Variants in CEP95 observed in about 807,000 individuals in gnomAD.
CEP95 encodes centrosomal protein 95.
CEP95 carries 98 observed loss-of-function variants against 111.2 expected under a neutral mutation model. The observed-to-expected ratio is 0.88, with a 90% CI of 0.75 to 1.04. CEP95 has a LOEUF of 1.04. Among genes scored for constraint, CEP95 ranks in the 50% least tolerant of loss-of-function variants. CEP95 has a pLI of 0.00. For synonymous variants in CEP95, 323 were observed against 327.1 expected (o/e 0.99, Z 0.14); for missense variants, 1,027 against 977.2 (o/e 1.05, Z -0.68).
intron 11 of CEP95, among the ~76,000 whole-genome samples, chr17:64,528,550 G>C (rs1555679617): frequency 6.6e-6 from 1 of 152,156 alleles, no homozygotes; most frequent in Non-Finnish European, 1.5e-5. Flanking sequence ...GATTATGCAA[G>C]TCAGTTTTTA....
intron 11 of CEP95, 75 bp downstream of exon 11, chr17:64,527,339 CTT>C (rs1967898025): frequency 2.7e-6 from 3 of 1,106,612 alleles, no homozygotes; most frequent in Non-Finnish European, 3.6e-6. Context: ...TTCTTAATAA[CTT>C]ATATTCTAAT....
At chr17:64,522,478 CT>C (rs1418661544) in intron 7 of CEP95, among the ~76,000 whole-genome samples, 4 of 151,224 alleles carry the variant, frequency 2.6e-5, no homozygotes, top group African/African-American at 9.7e-5. Context: ...CTCATCTCTA[CT>C]TTTTTTAAAA....
rs1598205039 is a variant in CEP95, at chr17:64,519,359, A to T, written c.512A>T (p.Asp171Val). 1.9e-6 allele frequency: 3 copies of T among 1,613,738 alleles called. No homozygotes were observed. The highest frequency in any genetic ancestry group is 4.5e-5 in the East Asian group (2 of 44,880). ...TCTGAGATGTTGGGCCCCTCTTGGG[A>T]TGGAGATGAAGCAGAATCCACTGGT... ...LSSEMLGPSW[D>V]GDEAESTGEI... The change falls in exon 6 of 20, where the codon GAT (aspartate) becomes GTT (valine). Residue 171 changes from aspartate (D) to valine (V), a missense_variant. Asp to Val is a radical substitution (Grantham distance 152). Coordinates refer to ENST00000556440, the MANE Select transcript of CEP95 (RefSeq NM_138363.3).
rs1352411636 is a variant in CEP95, at chr17:64,510,248, A to G, written c.224A>G (p.Asp75Gly). The G allele has an allele frequency of 1.2e-6, 2 of 1,610,622 alleles. No homozygotes were observed. The highest frequency in any genetic ancestry group is 1.7e-6 in the Non-Finnish European group (2 of 1,177,814). ...VQAVIDSLAL[D>G]YLQVSLSHIT... ...GCAGTAATTGATTCACTGGCCTTGG[A>G]CTACTTGCAGGTCAGCTTGTCTCAC... is the stretch of plus-strand genomic sequence containing the variant. Residue 75 changes from aspartate (D) to glycine (G), a missense_variant, in exon 3 of 20, where the codon GAC becomes GGC. Physicochemically the swap from Asp to Gly is moderately conservative, Grantham distance 94. Transcript: ENST00000556440.
chr17:64,509,676 C>T (rs551996341), intron 2 of CEP95, among the ~76,000 whole-genome samples: 20 of 152,200 alleles, frequency 1.3e-4, no homozygotes, highest in African/African-American at 4.8e-4. Context: ...TAGAGCGAGA[C>T]CCTGTCTCAA....
At position 64,522,780 on chromosome 17, in the gene CEP95, C is replaced by CAT; in HGVS notation, c.795_796insTA (p.Pro266TyrfsTer14). 1 of 1,613,784 alleles carries CAT rather than the reference C, an allele frequency of 6.2e-7. No individual in the cohort carries two copies. The highest frequency in any genetic ancestry group is 1.7e-5 in the Admixed American group (1 of 60,004). ...ATCCGAGCAGCTATTCCTTTACATC[C>CAT]ACCCTACCACCCTTCAGAGCCTCGA... On this transcript the variant is annotated frameshift_variant, in exon 8 of 20. Transcript: ENST00000556440. LOFTEE classifies it high-confidence loss of function.
At position 64,507,091 on chromosome 17, in the gene CEP95, C is replaced by T. The variant is rs1555673162; in HGVS notation, c.-7C>T. 5 of 1,551,334 alleles carry T rather than the reference C, an allele frequency of 3.2e-6. No homozygotes were observed. The highest frequency in any genetic ancestry group is 1.4e-5 in the African/African-American group (1 of 73,064). On this transcript the variant is annotated 5_prime_UTR_variant, in exon 1 of 20. Transcript: ENST00000556440. Reference sequence around the variant, plus strand: ...GTCGGAGTCCGGCGGCGACCTGCCTCTGAAACATGGCAGGCTCGGATGCTG... The same window carrying T: ...GTCGGAGTCCGGCGGCGACCTGCCTTTGAAACATGGCAGGCTCGGATGCTG...
At chr17:64,532,282 G>T (rs118010167) in intron 14 of CEP95, 24 of 1,194,066 alleles carry the variant, frequency 2.0e-5, no homozygotes, top group Non-Finnish European at 2.5e-5. Flanking sequence ...AGCCTCACTC[G>T]TGTGCTTACT....
intron 6 of CEP95, chr17:64,520,483 T>C (rs1967233472): frequency 7.0e-6 from 1 of 142,604 alleles, no homozygotes; most frequent in South Asian, 2.3e-4. Flanking sequence ...TTTTTGACAC[T>C]AGGTCTTGCT....
At chr17:64,520,454 T>C (rs1568135487) in intron 6 of CEP95, 2 of 120,314 alleles carry the variant, frequency 1.7e-5, no homozygotes, top group African/African-American at 3.3e-5. Flanking sequence ...ATATGGACCA[T>C]AGTCTTTTTT....
chr17:64,508,050 G>A (rs1420174615), intron 1 of CEP95: 11 of 985,068 alleles, frequency 1.1e-5, no homozygotes, highest in Admixed American at 6.2e-5. Flanking sequence ...ACTAACAAAT[G>A]CATTACCGTT....
intron 7 of CEP95, among the ~76,000 whole-genome samples, chr17:64,522,194 C>T (rs1255981900): frequency 1.3e-5 from 2 of 152,112 alleles, no homozygotes; most frequent in African/African-American, 4.8e-5. Flanking sequence ...CTGGAATTTT[C>T]ATATGGTAGT....
chr17:64,535,426 C>T (rs1555681357), intron 17 of CEP95: 2 of 153,986 alleles, frequency 1.3e-5, no homozygotes, highest in Non-Finnish European at 2.9e-5. Flanking sequence ...ATCACTCCCC[C>T]TCCTCAGTGA....
Position 64,534,648 on chromosome 17 carries a change from CAG to C in CEP95, c.1982_1983del (p.Gln661ProfsTer10). The C allele has an allele frequency of 1.2e-6, 2 of 1,613,846 alleles. No individual in the cohort carries two copies. The highest frequency in any genetic ancestry group is 1.7e-6 in the Non-Finnish European group (2 of 1,179,796). ...CCAATCAAAGATAAAAGAAAATCGA[CAG>C]CAAATCGTTCGTGCTCGAAAATATT... is the stretch of plus-strand genomic sequence containing the variant. ...LTQSKIKENRQQIVRARKYYD... is the reference protein window; with the variant it reads ...LTQSKIKENRXQIVRARKYYD... On this transcript the variant is annotated frameshift_variant, in exon 17 of 20. Transcript: ENST00000556440. LOFTEE classifies it high-confidence loss of function.
At chr17:64,537,210 A>T (rs1968719869) in intron 19 of CEP95, 98 bp downstream of exon 19, 1 of 1,533,898 alleles carries the variant, frequency 6.5e-7, no homozygotes, top group Middle Eastern at 1.7e-4. Context: ...AGGCTGTATC[A>T]TATAGCCCCG....
intron 16 of CEP95, 83 bp from the exon 17 acceptor site, chr17:64,534,502 T>TG: frequency 7.9e-7 from 1 of 1,259,242 alleles, no homozygotes; most frequent in Non-Finnish European, 1.1e-6. Flanking sequence ...GACATCGTGA[T>TG]GGGGAGTGAG....
In CEP95 at chr17:64,510,264, C is replaced by G; in HGVS notation, c.240C>G (p.Ser80Arg). The change falls in exon 3 of 20, where the codon AGC becomes AGG. Residue 80 changes from serine (S) to arginine (R), a missense_variant. By Grantham distance (110) the Ser-to-Arg change is moderately radical. Coordinates refer to ENST00000556440, the MANE Select transcript of CEP95 (RefSeq NM_138363.3). The part of the protein sequence containing the change: ...DSLALDYLQV[S>R]LSHITGENIV... The stretch of plus-strand genomic sequence containing the variant: ...TGGCCTTGGACTACTTGCAGGTCAG[C>G]TTGTCTCACATAACAGGTTGGTATA... 2 of 1,600,542 alleles carry G rather than the reference C, an allele frequency of 1.2e-6. No homozygotes were observed. The highest frequency in any genetic ancestry group is 8.6e-7 in the Non-Finnish European group (1 of 1,169,138).
At position 64,524,549 on chromosome 17, in the gene CEP95, CACCT is replaced by C. The variant is rs1273111421; in HGVS notation, c.910-1220_910-1217del. On this transcript the variant is annotated intron_variant, in intron 8 of 19. Coordinates refer to ENST00000556440, the MANE Select transcript of CEP95 (RefSeq NM_138363.3). ...CAGGCTGGTCTCAAACTCCTGGCCT[CACCT>C]GCCTGCCTCTGCTTCCCAGATTGCT... 2.0e-5 allele frequency among the ~76,000 whole-genome samples: 3 copies of C among 152,102 alleles called. No individual in the cohort carries two copies. The East Asian group carries it at 5.8e-4, about 29-fold the overall frequency.
intron 2 of CEP95, among the ~76,000 whole-genome samples, chr17:64,509,911 A>G (rs781878555): frequency 6.6e-5 from 10 of 152,016 alleles, no homozygotes; most frequent in Admixed American, 1.3e-4. Context: ...ATATCTATAT[A>G]TATATATATG....
Sources: allele counts gnomAD v4.1 joint callset (sites outside exome capture counted in the v4.1 genomes callset), GRCh38; gene constraint gnomAD v4.1.1; transcripts MANE v1.5; gene names NCBI Gene and HGNC (gene_info 2026-07-23, HGNC 2026-07-21).